Variants in INPP5F observed in about 807,000 individuals in gnomAD.
INPP5F encodes phosphatidylinositide 4-phosphatase SAC2.
Under a neutral mutation model 137.2 loss-of-function variants are expected in INPP5F, and 97 were observed. The observed-to-expected ratio is 0.71, with a 90% CI of 0.60 to 0.84. The LOEUF (loss-of-function observed/expected upper bound fraction) is 0.84, where lower values mean the gene tolerates loss of function less well. INPP5F is among the 40% of genes least tolerant of loss of function. INPP5F has a pLI of 0.00. For synonymous variants in INPP5F, 504 were observed against 476.9 expected (o/e 1.06, Z -0.74); for missense variants, 1,271 against 1,371.9 (o/e 0.93, Z 1.16).
chr10:119,728,775 A>G (rs748773103), intron 1 of INPP5F, among the ~76,000 whole-genome samples: 54 of 152,348 alleles, frequency 3.5e-4, no homozygotes, highest in Non-Finnish European at 6.2e-4. Context: ...AGTCCATTCC[A>G]TAAGACCCAG....
At position 119,743,652 on chromosome 10, in the gene INPP5F, C is replaced by CG. The variant is rs1158705573; in HGVS notation, c.98-7418dup. ...TGACTGAAGGCTAGGTTGCTGGGGG[C>CG]GGGGGGCGGGGGGGGGGATGGAAAG... On this transcript the variant is annotated intron_variant, in intron 1 of 19. Coordinates refer to ENST00000650623, the MANE Select transcript of INPP5F (RefSeq NM_014937.4). 6.5e-4 allele frequency among the ~76,000 whole-genome samples: 13 copies of CG among 19,952 alleles called. 1 individual carries two copies. The highest frequency in any genetic ancestry group is 3.4e-3 in the African/African-American group (12 of 3,504). 13.1% of individuals were successfully genotyped at this position (19,952 alleles called of 152,430 possible).
chr10:119,795,194 A>G (rs1444067372), intron 6 of INPP5F, among the ~76,000 whole-genome samples: 1 of 121,118 alleles, frequency 8.3e-6, no homozygotes, highest in Non-Finnish European at 1.7e-5. Flanking sequence ...CACTTCCCAG[A>G]AGGGGCAGCC....
chr10:119,734,624 G>A (rs1848171204), intron 1 of INPP5F, among the ~76,000 whole-genome samples: 1 of 152,136 alleles, frequency 6.6e-6, no homozygotes, highest in Non-Finnish European at 1.5e-5. Context: ...ATGAGCCACT[G>A]CACCTAATAG....
chr10:119,819,409 T>G, intron 15 of INPP5F: 1 of 1,462,194 alleles, frequency 6.8e-7, no homozygotes, highest in Non-Finnish European at 9.1e-7. Context: ...TTGGCTGATG[T>G]AAATATTAAT....
Position 119,726,192 on chromosome 10 carries a change from C to A in INPP5F, c.-71C>A. On this transcript the variant is annotated 5_prime_UTR_variant, in exon 1 of 20. Coordinates refer to ENST00000650623, the MANE Select transcript of INPP5F (RefSeq NM_014937.4). ...CCGCTCCCCGAGGCGCGGGCTCTGG[C>A]GGCCTCGACCGACTAGGACGCCCCG... The A allele has an allele frequency of 3.1e-6, 3 of 970,164 alleles. No individual in the cohort carries two copies. Among genetic ancestry groups the A allele is most frequent in the African/African-American group, 1.7e-5 (1 of 57,404 alleles). The allele number at this position is 970,164 out of a possible 1,614,324, so 60.1% of individuals were successfully genotyped here.
intron 18 of INPP5F, among the ~76,000 whole-genome samples, 166 bp downstream of exon 18, chr10:119,823,365 C>T (rs899635777): frequency 2.6e-5 from 4 of 152,196 alleles, no homozygotes; most frequent in Admixed American, 2.6e-4. Context: ...TTTCCAGCAA[C>T]CCAGGGAAAT....
chr10:119,764,500 C>G (rs1184574337), intron 2 of INPP5F, among the ~76,000 whole-genome samples: 1 of 152,146 alleles, frequency 6.6e-6, no homozygotes, highest in African/African-American at 2.4e-5. Flanking sequence ...GCTTACTTAA[C>G]ATGAAGATAA....
chr10:119,766,770 A>C (rs1849177108), intron 2 of INPP5F, among the ~76,000 whole-genome samples: 2 of 150,790 alleles, frequency 1.3e-5, no homozygotes, highest in African/African-American at 4.9e-5. Context: ...AGACAAATAA[A>C]AACAGAGAAT....
chr10:119,730,268 C>T (rs1177059497), intron 1 of INPP5F, among the ~76,000 whole-genome samples: 1 of 152,174 alleles, frequency 6.6e-6, no homozygotes, highest in East Asian at 1.9e-4. Context: ...TGTCACCACG[C>T]CTGGCAAGTT....
At chr10:119,799,384 G>A in intron 9 of INPP5F, 2 of 386,996 alleles carry the variant, frequency 5.2e-6, no homozygotes, top group Admixed American at 3.4e-5. Context: ...GGAAAAAAAA[G>A]AAAAAAACTA....
At chr10:119,743,619 GT>G (rs543387259) in intron 1 of INPP5F, among the ~76,000 whole-genome samples, 85 of 127,998 alleles carry the variant, frequency 6.6e-4, no homozygotes, top group African/African-American at 2.2e-3. Context: ...GCTGCACATA[GT>G]TCAGGATGAC....
At chr10:119,738,595 C>T (rs1848282924) in intron 1 of INPP5F, among the ~76,000 whole-genome samples, 1 of 152,124 alleles carries the variant, frequency 6.6e-6, no homozygotes. Flanking sequence ...TACAGACAGA[C>T]TCTTTAATGC....
intron 9 of INPP5F, among the ~76,000 whole-genome samples, chr10:119,800,248 A>T (rs559343750): frequency 6.6e-6 from 1 of 152,218 alleles, no homozygotes; most frequent in South Asian, 2.1e-4. Context: ...CAAAGGTCTC[A>T]TATCTAGAGT....
At chr10:119,817,633 G>C (rs1220609281) in intron 15 of INPP5F, among the ~76,000 whole-genome samples, 1 of 151,860 alleles carries the variant, frequency 6.6e-6, no homozygotes, top group Non-Finnish European at 1.5e-5. Context: ...GGCTATTTCT[G>C]TGTCTTAGTT....
intron 14 of INPP5F, among the ~76,000 whole-genome samples, chr10:119,810,456 C>T (rs1000870899): frequency 6.6e-6 from 1 of 152,104 alleles, no homozygotes; most frequent in Admixed American, 6.5e-5. Context: ...GTTTATTACT[C>T]AGGTAATAGA....
Position 119,826,936 on chromosome 10 carries a change from C to T in INPP5F, c.2555C>T (p.Ser852Phe), listed in dbSNP as rs141853658. 126 of 1,614,060 alleles carry T rather than the reference C, an allele frequency of 7.8e-5. No individual in the cohort carries two copies. The East Asian group carries it at 1.8e-3, about 24-fold the overall frequency. ...CAGGCAGAGTCTGATGGGGACATGT[C>T]TTCAGATAATGACTCATACCACTCT... is the stretch of plus-strand genomic sequence containing the variant. The part of the protein sequence containing the change: ...KVQAESDGDM[S>F]SDNDSYHSDE... The change falls in exon 20 of 20, where the codon TCT becomes TTT. Residue 852 changes from serine (S) to phenylalanine (F), a missense_variant. Transcript: ENST00000650623.
intron 19 of INPP5F, among the ~76,000 whole-genome samples, chr10:119,824,603 A>G (rs913075028): frequency 1.2e-4 from 18 of 152,232 alleles, no homozygotes; most frequent in African/African-American, 4.1e-4. Context: ...AGGATTCTGC[A>G]CTGCAAACTT....
chr10:119,806,449 C>T lies in INPP5F; in HGVS notation c.1409C>T (p.Ala470Val). ...DCLDRTNVVQAAIARVVMEQQ... is the reference protein window; with the variant it reads ...DCLDRTNVVQVAIARVVMEQQ... ...CTGGATCGCACCAACGTGGTCCAAGCTGCCATCGCGAGAGTGGTCATGGAA... is the reference window on the plus strand; with the variant it reads ...CTGGATCGCACCAACGTGGTCCAAGTTGCCATCGCGAGAGTGGTCATGGAA... Residue 470 changes from alanine to valine, a missense_variant, in exon 12 of 20, where the codon GCT becomes GTT. Ala to Val is a moderately conservative substitution (Grantham distance 64). Around this residue, in one of 6 missense-constraint regions of INPP5F, gnomAD observed 593 missense variants for 712.4 expected, o/e 0.83. Coordinates refer to ENST00000650623, the MANE Select transcript of INPP5F (RefSeq NM_014937.4). 6.2e-7 allele frequency: 1 copy of T among 1,609,004 alleles called. No individual in the cohort carries two copies. The highest frequency in any genetic ancestry group is 8.5e-7 in the Non-Finnish European group (1 of 1,177,970).
At chr10:119,775,396 A>G (rs1344154143) in intron 2 of INPP5F, among the ~76,000 whole-genome samples, 2 of 152,114 alleles carry the variant, frequency 1.3e-5, no homozygotes, top group Non-Finnish European at 2.9e-5. Flanking sequence ...AGTAGCTGGA[A>G]CTACAGGGTT....
Sources: allele counts gnomAD v4.1 joint callset (sites outside exome capture counted in the v4.1 genomes callset), GRCh38; gene constraint gnomAD v4.1.1; regional missense constraint gnomAD v4.1.1; transcripts MANE v1.5; gene names NCBI Gene and HGNC (gene_info 2026-07-23, HGNC 2026-07-21).